The following FILIP1 variants were observed in gnomAD, a reference collection of about 807,000 sequenced individuals.
The protein encoded by FILIP1 is filamin A interacting protein 1.
Under a neutral mutation model 102.1 loss-of-function variants are expected in FILIP1, and 61 were observed. The observed-to-expected ratio is 0.60, with a 90% CI of 0.49 to 0.74. FILIP1 has a LOEUF of 0.74. Among genes scored for constraint, FILIP1 ranks in the 30% least tolerant of loss-of-function variants. The pLI is 0.00. For synonymous variants in FILIP1, 491 were observed against 526.9 expected (o/e 0.93, Z 0.93); for missense variants, 1,314 against 1,441.2 (o/e 0.91, Z 1.43).
rs9443174 is a variant in FILIP1, at chr6:75,455,469, G to T, written c.-7+37945C>A. Among the ~76,000 whole-genome samples, 270 of 152,134 alleles carry T rather than the reference G, an allele frequency of 1.8e-3. 1 individual carries two copies. The highest frequency in any genetic ancestry group is 6.2e-3 in the African/African-American group (257 of 41,524). On this transcript the variant is annotated intron_variant, in intron 1 of 5. Transcript: ENST00000237172. ...CTAGTTGGGAAGAAAAATAACTAAA[G>T]AAGAAAAATTTTTAATGAAATTGAT... is the stretch of plus-strand genomic sequence containing the variant.
intron 2 of FILIP1, among the ~76,000 whole-genome samples, chr6:75,385,156 A>G (rs1015216980): frequency 3.9e-5 from 6 of 152,110 alleles, no homozygotes; most frequent in African/African-American, 1.4e-4. Context: ...TAATTTGCCT[A>G]AGGAATACAA....
intron 1 of FILIP1, among the ~76,000 whole-genome samples, chr6:75,426,988 C>T (rs1444349717): frequency 6.6e-6 from 1 of 152,082 alleles, no homozygotes; most frequent in East Asian, 1.9e-4. Flanking sequence ...GTGTTTCCCC[C>T]ATTACTTCCA....
chr6:75,337,564 A>G (rs1389857707), intron 4 of FILIP1, among the ~76,000 whole-genome samples: 4 of 151,072 alleles, frequency 2.6e-5, no homozygotes, highest in African/African-American at 9.7e-5. Context: ...TTTTTGTAGC[A>G]GAGCAGGGTG....
At chr6:75,376,317 G>A (rs1052545802) in intron 2 of FILIP1, among the ~76,000 whole-genome samples, 6 of 152,122 alleles carry the variant, frequency 3.9e-5, no homozygotes, top group Non-Finnish European at 8.8e-5. Context: ...GTTCAGAGAG[G>A]TTAGTGTGCC....
At chr6:75,421,266 GA>G (rs2149695929) in intron 1 of FILIP1, among the ~76,000 whole-genome samples, 1 of 152,244 alleles carries the variant, frequency 6.6e-6, no homozygotes, top group Non-Finnish European at 1.5e-5. Flanking sequence ...TTGCAGGATG[GA>G]AAGTGGTTAG....
chr6:75,353,946 T>C (rs1774900250), intron 3 of FILIP1, among the ~76,000 whole-genome samples: 1 of 152,170 alleles, frequency 6.6e-6, no homozygotes, highest in Non-Finnish European at 1.5e-5. Flanking sequence ...TTTGTAAACA[T>C]ATATATGGTT....
chr6:75,324,751 T>A (rs1005607827), intron 4 of FILIP1, among the ~76,000 whole-genome samples: 4 of 152,134 alleles, frequency 2.6e-5, no homozygotes, highest in Non-Finnish European at 2.9e-5. Context: ...TGTAGACCAA[T>A]GGAACAGAAT....
Position 75,308,700 on chromosome 6 carries a change from C to T in FILIP1, c.3633G>A (p.Gly1211=), listed in dbSNP as rs750754722. ...AASSTTSLGG[G]KG is the part of the protein sequence containing the mutation. ...CCCTTAGCCACTGCCCTCAGCCCTT[C>T]CCCCCTCCGAGAGAGGTGGTGCTGC... Residue 1211 remains glycine, a synonymous_variant, in exon 6 of 6, where the codon GGG becomes GGA. Coordinates refer to ENST00000237172, the MANE Select transcript of FILIP1 (RefSeq NM_015687.5). 3 of 1,612,788 alleles carry T rather than the reference C, an allele frequency of 1.9e-6. No homozygotes were observed. The highest frequency in any genetic ancestry group is 1.7e-5 in the Admixed American group (1 of 60,018).
chr6:75,419,122 T>G (rs564953211), intron 1 of FILIP1, among the ~76,000 whole-genome samples: 1 of 152,096 alleles, frequency 6.6e-6, no homozygotes, highest in Admixed American at 6.6e-5. Flanking sequence ...TTCTAGAGCA[T>G]TTGAACAAGA....
At chr6:75,442,388 G>A (rs940897593) in intron 1 of FILIP1, among the ~76,000 whole-genome samples, 9 of 152,214 alleles carry the variant, frequency 5.9e-5, no homozygotes, top group Non-Finnish European at 1.3e-4. Context: ...GGCACTTTGG[G>A]AGGCCAAGGC....
chr6:75,365,617 C>T (rs1396875239), intron 2 of FILIP1, among the ~76,000 whole-genome samples: 1 of 152,132 alleles, frequency 6.6e-6, no homozygotes, highest in Non-Finnish European at 1.5e-5. Flanking sequence ...GAACTCCTGA[C>T]CTCAGGTGAT....
At chr6:75,340,651 G>A (rs6453825) in intron 4 of FILIP1, among the ~76,000 whole-genome samples, 111,832 of 151,964 alleles carry the variant, frequency 0.74, 41,681 homozygotes, top group African/African-American at 0.86. Context: ...TTTTGTTTCT[G>A]CTTGTTTTTG....
intron 4 of FILIP1, among the ~76,000 whole-genome samples, chr6:75,349,123 TG>T (rs989788180): frequency 3.9e-5 from 6 of 152,232 alleles, no homozygotes; most frequent in African/African-American, 1.4e-4. Context: ...TTGAAAGGGC[TG>T]ATCTCAAAAT....
chr6:75,425,620 A>T (rs983146109), intron 1 of FILIP1, among the ~76,000 whole-genome samples: 3 of 151,956 alleles, frequency 2.0e-5, no homozygotes, highest in Non-Finnish European at 2.9e-5. Flanking sequence ...TTTGCCATTA[A>T]CCCCAAGGAA....
chr6:75,294,477 C>T (rs1250727862), exon 7 of FILIP1: 1 of 152,066 alleles, frequency 6.6e-6, no homozygotes, highest in African/African-American at 2.4e-5. Context: ...TTCAAGTAGA[C>T]TTTAGATGCA....
At chr6:75,435,605 C>T (rs552715794) in intron 1 of FILIP1, among the ~76,000 whole-genome samples, 1 of 152,188 alleles carries the variant, frequency 6.6e-6, no homozygotes, top group East Asian at 1.9e-4. Flanking sequence ...AGAGACTTTC[C>T]TCAAAGACCC....
At chr6:75,478,786 A>G (rs546618355) in intron 1 of FILIP1, among the ~76,000 whole-genome samples, 1 of 152,340 alleles carries the variant, frequency 6.6e-6, no homozygotes, top group African/African-American at 2.4e-5. Flanking sequence ...ATTATCTTTT[A>G]GCATCTACCA....
intron 6 of FILIP1, among the ~76,000 whole-genome samples, chr6:75,300,173 G>C (rs1225438205): frequency 2.6e-5 from 4 of 151,974 alleles, no homozygotes; most frequent in African/African-American, 9.7e-5. Flanking sequence ...CACTTTAATA[G>C]CTAGCCTCTA....
intron 2 of FILIP1, among the ~76,000 whole-genome samples, chr6:75,371,253 C>A (rs773519157): frequency 6.6e-6 from 1 of 152,178 alleles, no homozygotes; most frequent in African/African-American, 2.4e-5. Context: ...TTATTCTCCA[C>A]AACTATATGG....
Sources: gnomAD v4.1 joint callset for allele counts (sites outside exome capture counted in the v4.1 genomes callset) on GRCh38, gnomAD v4.1.1 for gene constraint, MANE v1.5 for transcripts, NCBI Gene and HGNC (gene_info 2026-07-23, HGNC 2026-07-21) for gene names.